The following DCHS2 variants were observed in gnomAD, a reference collection of about 807,000 sequenced individuals.
The protein encoded by DCHS2 is dachsous cadherin-related 2, also known as protocadherin-23.
DCHS2 carries 142 observed loss-of-function variants against 182.4 expected under a neutral mutation model. The ratio of observed to expected loss-of-function variants is 0.78; its 90% CI spans 0.68 to 0.89. DCHS2 has a LOEUF of 0.89. Among genes scored for constraint, DCHS2 ranks in the 40% least tolerant of loss-of-function variants. DCHS2 has a pLI of 0.00. For missense variants in DCHS2, 4,319 were observed against 4,198.6 expected, an observed-to-expected ratio of 1.03 and a Z score of -0.79; for synonymous variants, 1,740 against 1,663.3, an observed-to-expected ratio of 1.05 and a Z score of -1.12.
chr4:154,391,350 GA>G, intron 1 of DCHS2: 2 of 1,543,806 alleles, frequency 1.3e-6, no homozygotes, highest in Non-Finnish European at 1.7e-6. Context: ...TCTCTGGCAT[GA>G]ACCCTTTCCT....
intron 1 of DCHS2, chr4:154,384,446 A>G: frequency 1.2e-6 from 2 of 1,605,758 alleles, no homozygotes; most frequent in Non-Finnish European, 1.7e-6. Flanking sequence ...TCTCGGGACT[A>G]CCTCTTTTCA....
rs760693841 is a variant in DCHS2 at position 154,236,339 on chromosome 4, G to GAACAT, written c.8308_8312dup (p.Phe2771LeufsTer23). ...CTGGAACAATACAGCTGAAGCTTGA[G>GAACAT]AACATAAACTGAGGTGCATGGTCGT... On this transcript the variant is annotated frameshift_variant, in exon 20 of 20. Coordinates refer to ENST00000357232, the MANE Select transcript of DCHS2 (RefSeq NM_001358235.2). LOFTEE classifies it low-confidence loss of function (END_TRUNC). 4 of 1,614,058 alleles carry GAACAT rather than the reference G, an allele frequency of 2.5e-6. No individual in the cohort carries two copies. In the South Asian group the frequency reaches 4.4e-5, roughly 18 times the overall value.
intron 13 of DCHS2, among the ~76,000 whole-genome samples, chr4:154,287,927 T>C (rs926999287): frequency 3.3e-5 from 5 of 151,964 alleles, no homozygotes; most frequent in Admixed American, 1.3e-4. Flanking sequence ...AAATATACAA[T>C]GAAAACAAAA....
chr4:154,458,529 G>A lies in DCHS2; in HGVS notation c.2052+30775C>T, dbSNP rs113113525. ...TTTGCTTTGAAGTTAAAAAGGGAATGATTGTCTGGCCAAGTCAGGACTCAT... is the reference window on the plus strand; with the variant it reads ...TTTGCTTTGAAGTTAAAAAGGGAATAATTGTCTGGCCAAGTCAGGACTCAT... On this transcript the variant is annotated intron_variant, in intron 1 of 19. Transcript: ENST00000357232. Among the ~76,000 whole-genome samples, 622 of 151,904 alleles carry A rather than the reference G, an allele frequency of 4.1e-3. 4 individuals are homozygous for A. The highest frequency in any genetic ancestry group is 0.014 in the African/African-American group (587 of 41,252).
intron 1 of DCHS2, among the ~76,000 whole-genome samples, chr4:154,434,997 G>A (rs146436988): frequency 6.2e-4 from 95 of 152,212 alleles, no homozygotes; most frequent in African/African-American, 2.1e-3. Context: ...ATGGGATCTC[G>A]CAATGGAGAA....
chr4:154,261,678 TG>T (rs1732992517), intron 14 of DCHS2: 3 of 152,024 alleles, frequency 2.0e-5, no homozygotes, highest in Non-Finnish European at 4.4e-5. Flanking sequence ...GCTTATATTC[TG>T]TTAGGAAAAA....
At chr4:154,266,319 AG>A (rs869280582) in intron 14 of DCHS2, among the ~76,000 whole-genome samples, 3 of 10,138 alleles carry the variant, frequency 3.0e-4, no homozygotes, top group East Asian at 0.12. Flanking sequence ...TGAGAGTTGC[AG>A]GGGTTTTTTT....
chr4:154,400,452 G>GC (rs955030340), intron 1 of DCHS2, among the ~76,000 whole-genome samples: 1 of 118,352 alleles, frequency 8.4e-6, no homozygotes, highest in African/African-American at 2.7e-5. Flanking sequence ...ATCGACCCTC[G>GC]CCCCCCATGC....
rs74422312 is a variant in DCHS2, at chr4:154,332,994, C to G, written c.3214G>C (p.Val1072Leu). The change falls in exon 5 of 20, where the codon GTT (valine) becomes CTT (leucine). Residue 1072 changes from valine (V) to leucine (L), a missense_variant. Coordinates refer to ENST00000357232, the MANE Select transcript of DCHS2 (RefSeq NM_001358235.2). Reference protein sequence around the residue: ...PQAALLVLTVVIEKREHSPSW... With the variant: ...PQAALLVLTVLIEKREHSPSW... The stretch of plus-strand genomic sequence containing the variant: ...GGGCTGTGTTCGCGTTTCTCGATAA[C>G]GACTGTCAGCACCAGCAGGGCTGCC... 5 of 1,614,172 alleles carry G rather than the reference C, an allele frequency of 3.1e-6. No homozygotes were observed. The highest frequency in any genetic ancestry group is 1.7e-5 in the Admixed American group (1 of 60,032).
At chr4:154,444,474 G>A (rs994168439) in intron 1 of DCHS2, among the ~76,000 whole-genome samples, 41 of 152,034 alleles carry the variant, frequency 2.7e-4, no homozygotes, top group African/African-American at 9.4e-4. Flanking sequence ...AGCCAATCTT[G>A]TCTTCTCCAC....
intron 7 of DCHS2, 83 bp downstream of exon 7, chr4:154,328,010 C>A: frequency 1.0e-6 from 1 of 956,246 alleles, no homozygotes. Context: ...CAAAATAGAA[C>A]TTCTTTTCCC....
At chr4:154,267,168 T>C (rs773268048) in intron 14 of DCHS2, among the ~76,000 whole-genome samples, 7 of 152,218 alleles carry the variant, frequency 4.6e-5, no homozygotes, top group Non-Finnish European at 5.9e-5. Flanking sequence ...TTTCCAGCAT[T>C]ACATTACATC....
At chr4:154,482,742 G>A (rs1237285008) in intron 1 of DCHS2, among the ~76,000 whole-genome samples, 2 of 152,166 alleles carry the variant, frequency 1.3e-5, no homozygotes, top group Non-Finnish European at 2.9e-5. Context: ...TGGATAGATG[G>A]ATGGGAGAAT....
Position 154,236,898 on chromosome 4 carries a change from A to G in DCHS2, c.7754T>C (p.Val2585Ala). The change falls in exon 20 of 20, where the codon GTT (valine) becomes GCT (alanine). Residue 2585 changes from valine (V) to alanine (A), a missense_variant. Physicochemically the swap from Val to Ala is moderately conservative, Grantham distance 64 (BLOSUM62 0). Coordinates refer to ENST00000357232, the MANE Select transcript of DCHS2 (RefSeq NM_001358235.2). ...ATTACCACTGATGATGGAATATTCA[A>G]CATATGTGTTTTCACGGGTCCAGTC... ...DHDWTRENTYVEYSIISGNSQ... is the reference protein window; with the variant it reads ...DHDWTRENTYAEYSIISGNSQ... 1 of 1,614,118 alleles carries G rather than the reference A, an allele frequency of 6.2e-7. No individual in the cohort carries two copies. The highest frequency in any genetic ancestry group is 8.5e-7 in the Non-Finnish European group (1 of 1,179,962).
chr4:154,257,255 A>C (rs911622318), intron 15 of DCHS2, among the ~76,000 whole-genome samples: 1 of 152,206 alleles, frequency 6.6e-6, no homozygotes, highest in African/African-American at 2.4e-5. Context: ...TCAAAAAAAA[A>C]AGTGCTACAG....
At chr4:154,434,281 G>C (rs543981286) in intron 1 of DCHS2, among the ~76,000 whole-genome samples, 1 of 152,104 alleles carries the variant, frequency 6.6e-6, no homozygotes, top group Non-Finnish European at 1.5e-5. Context: ...ATATAGCCAA[G>C]CATGGAGGTG....
intron 7 of DCHS2, 50 bp from the exon 8 acceptor site, chr4:154,322,538 A>T (rs1184199253): frequency 6.5e-7 from 1 of 1,539,274 alleles, no homozygotes. Flanking sequence ...CAATGCAGAA[A>T]ACAGAAAATC....
At chr4:154,410,533 C>T (rs1442349513) in intron 1 of DCHS2, among the ~76,000 whole-genome samples, 1 of 115,068 alleles carries the variant, frequency 8.7e-6, no homozygotes, top group African/African-American at 3.4e-5. Context: ...CGGTGGCTCA[C>T]ACCTGTAATC....
chr4:154,490,415 T>A lies in DCHS2; in HGVS notation c.941A>T (p.Glu314Val). Residue 314 changes from glutamate (E) to valine (V), a missense_variant, in exon 1 of 20, where the codon GAG becomes GTG. Glu to Val is a moderately radical substitution (Grantham distance 121, BLOSUM62 -2). Coordinates refer to ENST00000357232, the MANE Select transcript of DCHS2 (RefSeq NM_001358235.2). ...AVREDAQPGA[E>V]VCRVRATDRD... ...GTCGGTGGCGCGCACGCGACAGACC[T>A]CGGCGCCCGGCTGGGCGTCCTCGCG... The A allele has an allele frequency of 6.5e-7, 1 of 1,533,448 alleles. No homozygotes were observed. The highest frequency in any genetic ancestry group is 8.7e-7 in the Non-Finnish European group (1 of 1,144,880). 95.0% of individuals were successfully genotyped at this position (1,533,448 alleles called of 1,614,324 possible).
Sources: allele counts gnomAD v4.1 joint callset (sites outside exome capture counted in the v4.1 genomes callset), GRCh38; gene constraint gnomAD v4.1.1; transcripts MANE v1.5; gene names NCBI Gene and HGNC (gene_info 2026-07-23, HGNC 2026-07-21).